The following TMC1 variants were observed in gnomAD, a reference collection of about 807,000 sequenced individuals.
The protein encoded by TMC1 is transmembrane channel-like protein 1.
TMC1 carries 84 observed loss-of-function variants against 105.8 expected under a neutral mutation model. The ratio of observed to expected loss-of-function variants is 0.79; its 90% CI spans 0.67 to 0.95. TMC1 has a LOEUF of 0.95. Among genes scored for constraint, TMC1 ranks in the 40% least tolerant of loss-of-function variants. The pLI, the probability that TMC1 is intolerant of heterozygous loss-of-function variation, is 0.00. For synonymous variants in TMC1, 315 were observed against 311.5 expected (o/e 1.01, Z -0.12); for missense variants, 817 against 914.1 (o/e 0.89, Z 1.37).
chr9:72,658,070 G>A (rs1413881951), intron 5 of TMC1, among the ~76,000 whole-genome samples: 1 of 152,112 alleles, frequency 6.6e-6, no homozygotes, highest in Non-Finnish European at 1.5e-5. Context: ...GTTTGAACAA[G>A]CTGTGTACTT....
At chr9:72,581,190 T>G (rs1824468483) in intron 2 of TMC1, among the ~76,000 whole-genome samples, 1 of 152,202 alleles carries the variant, frequency 6.6e-6, no homozygotes, top group Non-Finnish European at 1.5e-5. Flanking sequence ...ACTTAAAGCT[T>G]TCTTGGATGG....
intron 5 of TMC1, among the ~76,000 whole-genome samples, chr9:72,666,227 A>G (rs1410027291): frequency 1.3e-5 from 2 of 151,880 alleles, no homozygotes; most frequent in Admixed American, 6.6e-5. Context: ...ACTAGCCTGC[A>G]CTACATAACA....
At chr9:72,620,549 C>T (rs1467051564) in intron 3 of TMC1, among the ~76,000 whole-genome samples, 1 of 152,106 alleles carries the variant, frequency 6.6e-6, no homozygotes, top group African/African-American at 2.4e-5. Flanking sequence ...CCATACCTAG[C>T]CAGATTTCTA....
intron 17 of TMC1, among the ~76,000 whole-genome samples, chr9:72,797,037 A>G (rs1421191423): frequency 6.6e-6 from 1 of 152,146 alleles, no homozygotes; most frequent in African/African-American, 2.4e-5. Flanking sequence ...AGGATATATC[A>G]ATGTGCAAAA....
chr9:72,658,241 T>C (rs913559555), intron 5 of TMC1, among the ~76,000 whole-genome samples: 2 of 151,674 alleles, frequency 1.3e-5, no homozygotes, highest in Non-Finnish European at 2.9e-5. Context: ...TAAAAAAAAA[T>C]TGGGGGTGCA....
At chr9:72,789,413 T>C (rs1828226902) in intron 15 of TMC1, 96 bp downstream of exon 15, 1 of 1,210,072 alleles carries the variant, frequency 8.3e-7, no homozygotes, top group Non-Finnish European at 1.2e-6. Context: ...AGGCCACCCT[T>C]TACCTATCCC....
chr9:72,754,776 C>T lies in TMC1; in HGVS notation c.643-10C>T. The T allele has an allele frequency of 6.2e-7, 1 of 1,605,990 alleles. No individual in the cohort carries two copies. Among genetic ancestry groups the T allele is most frequent in the Non-Finnish European group, 8.5e-7 (1 of 1,172,590 alleles). ...TAATTGTTCACTGCTTTCTTTGCTT[C>T]TTCATACAGTACCTCTGGGGTTTGC... is the stretch of plus-strand genomic sequence containing the variant. On this transcript the variant is annotated splice_polypyrimidine_tract_variant and intron_variant, in intron 11 of 23. Transcript: ENST00000297784.
intron 4 of TMC1, among the ~76,000 whole-genome samples, chr9:72,645,182 A>T (rs72731201): frequency 0.099 from 15,070 of 152,236 alleles, 796 homozygotes; most frequent in Non-Finnish European, 0.13. Flanking sequence ...TAACAGCACA[A>T]GTAATAGCCA....
chr9:72,681,320 C>T (rs1005071181), intron 5 of TMC1, among the ~76,000 whole-genome samples: 4 of 152,080 alleles, frequency 2.6e-5, no homozygotes, highest in African/African-American at 7.2e-5. Flanking sequence ...AGACTCACCA[C>T]TTACTTTTTC....
chr9:72,714,064 G>A (rs891384275), intron 8 of TMC1, among the ~76,000 whole-genome samples: 1 of 152,180 alleles, frequency 6.6e-6, no homozygotes, highest in African/African-American at 2.4e-5. Context: ...CAGTTTCGAT[G>A]TAGTTGTGAA....
rs768779429 is a variant in TMC1, at chr9:72,835,948, C to CA, written c.2261-2dup. On this transcript the variant is annotated splice_region_variant and splice_polypyrimidine_tract_variant and intron_variant, in intron 23 of 23. Coordinates refer to ENST00000297784, the MANE Select transcript of TMC1 (RefSeq NM_138691.3). ...TTTTTTTTTTTTTCTGTTTTGTGAA[C>CA]AGCTGCAGCTGCTGGTCGCCAGTAA... The CA allele has an allele frequency of 4.8e-6, 4 of 834,868 alleles. No homozygotes were observed. The South Asian group carries it at 5.3e-5, about 11-fold the overall frequency. 51.7% of individuals were successfully genotyped at this position (834,868 alleles called of 1,614,324 possible).
At chr9:72,645,092 C>G (rs920581068) in intron 4 of TMC1, among the ~76,000 whole-genome samples, 1 of 152,052 alleles carries the variant, frequency 6.6e-6, no homozygotes, top group Non-Finnish European at 1.5e-5. Flanking sequence ...AAGTCGAAGC[C>G]CACAGCAGCA....
chr9:72,807,533 A>T (rs1415535362), intron 18 of TMC1, among the ~76,000 whole-genome samples: 2 of 152,300 alleles, frequency 1.3e-5, no homozygotes, highest in Non-Finnish European at 2.9e-5. Flanking sequence ...GAACTCAGTA[A>T]ATCTTGGCCC....
At chr9:72,543,952 CTT>C (rs1554710174) in intron 1 of TMC1, among the ~76,000 whole-genome samples, 9 of 134,330 alleles carry the variant, frequency 6.7e-5, no homozygotes, top group South Asian at 2.3e-4. Flanking sequence ...TTCTTTCTTT[CTT>C]TTTTTTTTTT....
At chr9:72,686,950 G>A (rs1396683115) in intron 5 of TMC1, among the ~76,000 whole-genome samples, 1 of 152,128 alleles carries the variant, frequency 6.6e-6, no homozygotes, top group African/African-American at 2.4e-5. Context: ...CGGAGAAGAT[G>A]ATTCATGACT....
chr9:72,726,527 A>G (rs1827128350), intron 8 of TMC1, among the ~76,000 whole-genome samples: 1 of 152,212 alleles, frequency 6.6e-6, no homozygotes, highest in African/African-American at 2.4e-5. Flanking sequence ...GTGTCCTCTG[A>G]GGGTGCACTT....
At chr9:72,830,424 A>T (rs757983501) in intron 21 of TMC1, 27 bp from the exon 22 acceptor site, 20 of 1,514,628 alleles carry the variant, frequency 1.3e-5, no homozygotes, top group Non-Finnish European at 1.7e-5. Context: ...TATACCTTAC[A>T]CTGTATTTTT....
rs1441386536 is a variant in TMC1 at position 72,806,146 on chromosome 9, C to T, written c.1695+636C>T. 2.7e-4 allele frequency among the ~76,000 whole-genome samples: 40 copies of T among 146,534 alleles called. 1 individual carries two copies. Among genetic ancestry groups the T allele is most frequent in the African/African-American group, 7.0e-4 (28 of 39,802 alleles). ...CCGGGCAGAGGCGCCCCTCACCTCC[C>T]GGGCGGGGCGGCTGGCCGGGCGGGG... On this transcript the variant is annotated intron_variant, in intron 18 of 23. Coordinates refer to ENST00000297784, the MANE Select transcript of TMC1 (RefSeq NM_138691.3).
rs150597910 is a variant in TMC1 at position 72,685,842 on chromosome 9, C to G, written c.17-2867C>G. Among the ~76,000 whole-genome samples the G allele has an allele frequency of 6.5e-4, 99 of 152,234 alleles. 2 individuals are homozygous for G. The highest frequency in any genetic ancestry group is 2.0e-3 in the African/African-American group (82 of 41,554). The stretch of plus-strand genomic sequence containing the variant: ...CAAAATAATAACCTGGAGCTATAAA[C>G]ATTGCTTCAAGAAGTAAATGTGGGT... On this transcript the variant is annotated intron_variant, in intron 5 of 23. Coordinates refer to ENST00000297784, the MANE Select transcript of TMC1 (RefSeq NM_138691.3).
Sources: gnomAD v4.1 joint callset for allele counts (sites outside exome capture counted in the v4.1 genomes callset) on GRCh38, gnomAD v4.1.1 for gene constraint, MANE v1.5 for transcripts, NCBI Gene and HGNC (gene_info 2026-07-23, HGNC 2026-07-21) for gene names.